SUMO2: variants seen among roughly 807,000 people sequenced by gnomAD.
The protein encoded by SUMO2 is small ubiquitin-related modifier 2.
A neutral mutation model predicts 16.0 loss-of-function variants in SUMO2; 1 was observed. The observed-to-expected ratio is 0.06, with a 90% CI of 0.02 to 0.30. The LOEUF (loss-of-function observed/expected upper bound fraction) is 0.30, where lower values mean the gene tolerates loss of function less well. Ranked by LOEUF, SUMO2 falls within the 10% of genes least tolerant of loss-of-function variation. The probability of loss-of-function intolerance (pLI) is 1.00; values close to 1 mark genes in which losing one functional copy is unlikely to be tolerated. For missense variants in SUMO2, 16 were observed against 117.5 expected (o/e 0.14, Z 3.99); for synonymous variants, 36 against 40.6 (o/e 0.89, Z 0.43).
chr17:75,169,208 A>C (rs896238065), intron 3 of SUMO2, among the ~76,000 whole-genome samples: 5 of 151,960 alleles, frequency 3.3e-5, no homozygotes, highest in African/African-American at 1.2e-4. Context: ...CTCCAGCCTG[A>C]GTGACAAAGC....
chr17:75,175,267 G>A (rs1474861381), intron 2 of SUMO2, among the ~76,000 whole-genome samples: 1 of 151,732 alleles, frequency 6.6e-6, no homozygotes, highest in African/African-American at 2.4e-5. Flanking sequence ...ACAGGAGTGA[G>A]CCATGGTGCC....
At position 75,166,697 on chromosome 17, in the gene SUMO2, CTCT is replaced by C. The variant is rs2074695829; in HGVS notation, c.*1639_*1641del. ...ACTCACGAGGCTGAGCAGGGAGGATCTCTTAAGACCTGGAGGTGGAGGTTGCAG... is the reference window on the plus strand; with the variant it reads ...ACTCACGAGGCTGAGCAGGGAGGATCTAAGACCTGGAGGTGGAGGTTGCAG... On this transcript the variant is annotated 3_prime_UTR_variant, in exon 4 of 4. Coordinates refer to ENST00000420826, the MANE Select transcript of SUMO2 (RefSeq NM_006937.4). 1 of 152,136 alleles carries C rather than the reference CTCT, an allele frequency of 6.6e-6. No individual in the cohort carries two copies. The highest frequency in any genetic ancestry group is 2.4e-5 in the African/African-American group (1 of 41,354). The allele number at this position is 152,136 out of a possible 1,614,324, so 9.4% of individuals were successfully genotyped here.
At chr17:75,177,462 T>C (rs923751052) in intron 2 of SUMO2, among the ~76,000 whole-genome samples, 3 of 152,026 alleles carry the variant, frequency 2.0e-5, no homozygotes, top group Admixed American at 6.6e-5. Context: ...GTGGATTACC[T>C]GAGGTCAGGA....
chr17:75,182,466 C>A (rs186371701), intron 1 of SUMO2: 53 of 186,172 alleles, frequency 2.8e-4, no homozygotes, highest in East Asian at 1.1e-3. Context: ...AAGGTGGAGA[C>A]CCCGCGCGCC....
At chr17:75,175,475 T>C (rs1024912679) in intron 2 of SUMO2, among the ~76,000 whole-genome samples, 12 of 150,020 alleles carry the variant, frequency 8.0e-5, no homozygotes, top group African/African-American at 9.8e-5. Context: ...GGCGCCACCA[T>C]GCCTGGCTAA....
At chr17:75,174,461 G>C (rs1048716257) in intron 3 of SUMO2, among the ~76,000 whole-genome samples, 6 of 152,152 alleles carry the variant, frequency 3.9e-5, no homozygotes, top group African/African-American at 1.4e-4. Context: ...CACTTTGGGA[G>C]GCCAAGGCTG....
chr17:75,181,072 G>A lies in SUMO2; in HGVS notation c.138C>T (p.Ala46=). 4.3e-6 allele frequency: 7 copies of A among 1,614,000 alleles called. No homozygotes were observed. Among genetic ancestry groups the A allele is most frequent in the African/African-American group, 1.3e-5 (1 of 75,010 alleles). Residue 46 remains alanine, a synonymous_variant, in exon 2 of 4, where the codon GCC becomes GCT. Coordinates refer to ENST00000420826, the MANE Select transcript of SUMO2 (RefSeq NM_006937.4). The part of the protein sequence containing the change: ...RHTPLSKLMK[A]YCERQGLSMR... Reference sequence around the variant, plus strand: ...AATTCCTCACCTGTCGTTCACAATAGGCTTTCATTAGTTTACTAAGTGGTG... The same window carrying A: ...AATTCCTCACCTGTCGTTCACAATAAGCTTTCATTAGTTTACTAAGTGGTG...
At chr17:75,168,486 T>A in intron 3 of SUMO2, 85 bp from the exon 4 acceptor site, 1 of 1,170,294 alleles carries the variant, frequency 8.5e-7, no homozygotes, top group Non-Finnish European at 1.2e-6. Flanking sequence ...GCTGAAAACA[T>A]GTACATGTTC....
intron 3 of SUMO2, among the ~76,000 whole-genome samples, chr17:75,169,011 A>G (rs1356151409): frequency 6.6e-6 from 1 of 151,486 alleles, no homozygotes; most frequent in Non-Finnish European, 1.5e-5. Flanking sequence ...CTTGAGCCCA[A>G]GAGACCGAGA....
chr17:75,173,477 A>T (rs899324), intron 3 of SUMO2, among the ~76,000 whole-genome samples: 6,984 of 148,554 alleles, frequency 0.047, 276 homozygotes, highest in Non-Finnish European at 0.061. Context: ...ACTGGAAGTC[A>T]TTTTTTTTTT....
intron 2 of SUMO2, among the ~76,000 whole-genome samples, chr17:75,179,918 TAC>T (rs775785193): frequency 3.5e-4 from 53 of 152,176 alleles, no homozygotes; most frequent in Non-Finnish European, 6.5e-4. Context: ...GTGCTGGGAT[TAC>T]AGATATGAGC....
chr17:75,174,403 C>G (rs537989010), intron 3 of SUMO2, among the ~76,000 whole-genome samples: 8 of 151,238 alleles, frequency 5.3e-5, no homozygotes, highest in African/African-American at 1.9e-4. Flanking sequence ...AAAACAAACA[C>G]AAACCACTGG....
intron 2 of SUMO2, among the ~76,000 whole-genome samples, chr17:75,175,534 G>C (rs1297659308): frequency 6.6e-6 from 1 of 151,750 alleles, no homozygotes; most frequent in Non-Finnish European, 1.5e-5. Flanking sequence ...TGGCCAGGCT[G>C]GTCTCGAACT....
intron 3 of SUMO2, among the ~76,000 whole-genome samples, chr17:75,170,008 A>C (rs1257009392): frequency 6.6e-6 from 1 of 151,476 alleles, no homozygotes; most frequent in Non-Finnish European, 1.5e-5. Context: ...TACAAAAAAC[A>C]AAACAAAAAA....
intron 2 of SUMO2, among the ~76,000 whole-genome samples, chr17:75,175,280 G>A (rs775607606): frequency 2.6e-5 from 4 of 151,570 alleles, no homozygotes; most frequent in Admixed American, 6.6e-5. Flanking sequence ...ATGGTGCCCA[G>A]CCTCTCATTT....
At chr17:75,173,664 A>G (rs1212653330) in intron 3 of SUMO2, among the ~76,000 whole-genome samples, 4 of 151,944 alleles carry the variant, frequency 2.6e-5, no homozygotes, top group Non-Finnish European at 5.9e-5. Flanking sequence ...TTTTGTAAAG[A>G]GAGGGTTTTG....
rs1273119530 is a variant in SUMO2, at chr17:75,166,343, T to C, written c.*1996A>G. 6.6e-6 allele frequency: 1 copy of C among 151,998 alleles called. No homozygotes were observed. Among genetic ancestry groups the C allele is most frequent in the Non-Finnish European group, 1.5e-5 (1 of 68,086 alleles). The allele number at this position is 151,998 out of a possible 1,614,324, so 9.4% of individuals were successfully genotyped here. A position where few individuals can be genotyped will look rare whatever the true frequency, so the allele number is the denominator to read the frequency against. ...ATACAGAATTAGCCAGGTATGATGG[T>C]AGATGCTTGTAATCCCAGCTTTTCC... On this transcript the variant is annotated 3_prime_UTR_variant, in exon 4 of 4. Coordinates refer to ENST00000420826, the MANE Select transcript of SUMO2 (RefSeq NM_006937.4).
chr17:75,176,431 T>C (rs2127082), intron 2 of SUMO2, among the ~76,000 whole-genome samples: 37,245 of 151,512 alleles, frequency 0.25, 5,850 homozygotes, highest in East Asian at 0.62. Context: ...GCCTGGCCAA[T>C]ATGGTGAAAC....
In SUMO2 at chr17:75,168,331, T is replaced by C. The variant is rs1178909191; in HGVS notation, c.*8A>G. ...CAGAGTTCTGGAGTAAAGAAGCAGG[T>C]TCCCTTTTCAGTAGACACCTCCCGT... On this transcript the variant is annotated 3_prime_UTR_variant, in exon 4 of 4. Coordinates refer to ENST00000420826, the MANE Select transcript of SUMO2 (RefSeq NM_006937.4). The C allele has an allele frequency of 6.3e-7, 1 of 1,580,688 alleles. No individual in the cohort carries two copies. The highest frequency in any genetic ancestry group is 8.6e-7 in the Non-Finnish European group (1 of 1,164,050).
Sources: allele counts gnomAD v4.1 joint callset (sites outside exome capture counted in the v4.1 genomes callset), GRCh38; gene constraint gnomAD v4.1.1; transcripts MANE v1.5; gene names NCBI Gene and HGNC (gene_info 2026-07-23, HGNC 2026-07-21).